UTRN: variants seen among roughly 807,000 people sequenced by gnomAD.
UTRN encodes dystrophin-related protein 1.
Under a neutral mutation model 463.9 loss-of-function variants are expected in UTRN, and 283 were observed. The ratio of observed to expected loss-of-function variants is 0.61; its 90% confidence interval spans 0.55 to 0.67. The LOEUF is 0.67. UTRN is among the 30% of genes least tolerant of loss of function. The probability of loss-of-function intolerance (pLI) is 0.00; values close to 1 mark genes in which losing one functional copy is unlikely to be tolerated. For synonymous variants in UTRN, 1,442 were observed against 1,431.5 expected (o/e 1.01, Z -0.17); for missense variants, 3,922 against 4,084.3 (o/e 0.96, Z 1.08).
chr6:144,617,960 G>T (rs1457663795), intron 51 of UTRN, among the ~76,000 whole-genome samples: 1 of 152,140 alleles, frequency 6.6e-6, no homozygotes, highest in Non-Finnish European at 1.5e-5. Flanking sequence ...GCCATCCCTC[G>T]ATTTAGCAGA....
intron 60 of UTRN, among the ~76,000 whole-genome samples, chr6:144,777,093 G>A (rs1586522952): frequency 6.6e-6 from 1 of 152,194 alleles, no homozygotes; most frequent in South Asian, 2.1e-4. Flanking sequence ...GTCTGTGTTC[G>A]TCTCTACTTA....
chr6:144,750,328 A>G (rs1791249953), intron 55 of UTRN, among the ~76,000 whole-genome samples: 1 of 152,148 alleles, frequency 6.6e-6, no homozygotes, highest in Non-Finnish European at 1.5e-5. Flanking sequence ...ATCTGCAGCA[A>G]TGGAAAAAAA....
At chr6:144,562,983 G>A (rs1800070830) in intron 50 of UTRN, among the ~76,000 whole-genome samples, 1 of 151,986 alleles carries the variant, frequency 6.6e-6, no homozygotes, top group Admixed American at 6.6e-5. Context: ...CATATGTTTG[G>A]TCACATAAAT....
intron 50 of UTRN, among the ~76,000 whole-genome samples, chr6:144,570,410 G>A (rs978186364): frequency 3.3e-5 from 5 of 152,156 alleles, no homozygotes; most frequent in Admixed American, 3.3e-4. Context: ...AGAGTCAGAT[G>A]ATGGAAAACC....
chr6:144,493,244 A>G lies in UTRN; in HGVS notation c.4438-57A>G, dbSNP rs530436769. The stretch of plus-strand genomic sequence containing the variant: ...GTAAGCTGTGGTCTGACATGATGCC[A>G]GTTGGCAAGTTGTCACCACAGTGTG... On this transcript the variant is annotated intron_variant, in intron 32 of 74. Transcript: ENST00000367545. 9.6e-6 allele frequency: 15 copies of G among 1,562,138 alleles called. No homozygotes were observed. The African/African-American group carries it at 1.6e-4, about 17-fold the overall frequency.
At chr6:144,453,392 G>A (rs1394345641) in intron 18 of UTRN, among the ~76,000 whole-genome samples, 1 of 152,076 alleles carries the variant, frequency 6.6e-6, no homozygotes, top group Non-Finnish European at 1.5e-5. Flanking sequence ...CAAAGTGTTG[G>A]GATTACAGGT....
At chr6:144,471,697 G>A (rs143729612) in intron 23 of UTRN, among the ~76,000 whole-genome samples, 1 of 152,322 alleles carries the variant, frequency 6.6e-6, no homozygotes, top group East Asian at 1.9e-4. Flanking sequence ...TATAAGGGTA[G>A]CATGGACCTG....
chr6:144,516,869 A>G lies in UTRN; in HGVS notation c.5462A>G (p.His1821Arg), dbSNP rs1454385210. The part of the protein sequence containing the change: ...EVLQRGEEML[H>R]QPMEDNKKEK... ...CTACAAAGAGGAGAAGAAATGTTACATCAACCTATGGAAGATAATAAAAAA... is the reference window on the plus strand; with the variant it reads ...CTACAAAGAGGAGAAGAAATGTTACGTCAACCTATGGAAGATAATAAAAAA... Residue 1821 changes from histidine (H) to arginine (R), a missense_variant, in exon 39 of 75, where the codon CAT becomes CGT. His to Arg is a conservative substitution (Grantham distance 29, BLOSUM62 0). Coordinates refer to ENST00000367545, the MANE Select transcript of UTRN (RefSeq NM_007124.3). 10 of 1,517,852 alleles carry G rather than the reference A, an allele frequency of 6.6e-6. No homozygotes were observed. Among genetic ancestry groups the G allele is most frequent in the South Asian group, 1.3e-5 (1 of 75,016 alleles). The allele number at this position is 1,517,852 out of a possible 1,614,324, so 94.0% of individuals were successfully genotyped here. A position where few individuals can be genotyped will look rare whatever the true frequency, so the allele number is the denominator to read the frequency against.
chr6:144,809,221 T>G (rs1277485649), intron 65 of UTRN, among the ~76,000 whole-genome samples: 1 of 152,070 alleles, frequency 6.6e-6, no homozygotes, highest in African/African-American at 2.4e-5. Flanking sequence ...CTAAGGATAA[T>G]GGAAAATGTT....
rs542301949 is a variant in UTRN, at chr6:144,846,059, T to C, written c.10271-746T>C. ...CAGATCTCCTCTTTTCCCCCCAGCA[T>C]TGAGAACGAGATGATCATGTAGCAA... On this transcript the variant is annotated intron_variant, in intron 73 of 74. Transcript: ENST00000367545. 2.0e-5 allele frequency among the ~76,000 whole-genome samples: 3 copies of C among 151,986 alleles called. No individual in the cohort carries two copies. In the South Asian group the frequency reaches 6.3e-4, roughly 32 times the overall value.
At chr6:144,555,288 C>T (rs537217344) in intron 49 of UTRN, among the ~76,000 whole-genome samples, 105 of 152,276 alleles carry the variant, frequency 6.9e-4, no homozygotes, top group African/African-American at 2.4e-3. Flanking sequence ...ATTTAATTGA[C>T]TCACAGTTCA....
intron 46 of UTRN, among the ~76,000 whole-genome samples, chr6:144,544,709 A>C (rs1416474013): frequency 6.6e-6 from 1 of 151,970 alleles, no homozygotes; most frequent in African/African-American, 2.4e-5. Flanking sequence ...AAAGAAAAAA[A>C]AAACCTTTTT....
chr6:144,315,884 G>T (rs1358981219), intron 2 of UTRN, among the ~76,000 whole-genome samples: 1 of 152,218 alleles, frequency 6.6e-6, no homozygotes, highest in Non-Finnish European at 1.5e-5. Context: ...TTTGCCAGAT[G>T]AGAACGTCAT....
intron 16 of UTRN, 92 bp downstream of exon 16, chr6:144,447,873 A>G (rs1344292665): frequency 7.3e-7 from 1 of 1,363,714 alleles, no homozygotes; most frequent in Non-Finnish European, 9.8e-7. Context: ...GAAATAAACT[A>G]AAAAGTTGTT....
chr6:144,585,929 G>A (rs144002259), intron 51 of UTRN, among the ~76,000 whole-genome samples: 283 of 152,118 alleles, frequency 1.9e-3, no homozygotes, highest in Middle Eastern at 0.017. Context: ...AATAAAATGT[G>A]GCATAATCTG....
chr6:144,338,691 T>G (rs1457868694), intron 2 of UTRN, among the ~76,000 whole-genome samples: 1 of 152,130 alleles, frequency 6.6e-6, no homozygotes, highest in Admixed American at 6.5e-5. Context: ...CAGGGAACAT[T>G]GCAGGTGGCT....
chr6:144,287,038 C>A (rs1413774879), intron 1 of UTRN, among the ~76,000 whole-genome samples: 1 of 151,202 alleles, frequency 6.6e-6, no homozygotes, highest in Non-Finnish European at 1.5e-5. Flanking sequence ...GCCGCCCGGC[C>A]GGGCGGCAGC....
chr6:144,515,720 C>G (rs1225148354), intron 37 of UTRN, among the ~76,000 whole-genome samples: 2 of 152,084 alleles, frequency 1.3e-5, no homozygotes, highest in Non-Finnish European at 2.9e-5. Context: ...TTTATTTAAA[C>G]AAATATAAAA....
chr6:144,292,073 A>G (rs1244710708), intron 2 of UTRN, among the ~76,000 whole-genome samples, 166 bp downstream of exon 2: 1 of 152,234 alleles, frequency 6.6e-6, no homozygotes, highest in Non-Finnish European at 1.5e-5. Context: ...TATATGTAAA[A>G]GGTATAATAT....
Sources: gnomAD v4.1 joint callset for allele counts (sites outside exome capture counted in the v4.1 genomes callset) on GRCh38, gnomAD v4.1.1 for gene constraint, MANE v1.5 for transcripts, NCBI Gene and HGNC (gene_info 2026-07-23, HGNC 2026-07-21) for gene names.